Variants in LRRTM4 observed in about 807,000 individuals in gnomAD.
The protein encoded by LRRTM4 is leucine rich repeat transmembrane neuronal 4.
A neutral mutation model predicts 47.6 loss-of-function variants in LRRTM4; 25 were observed. That is an observed-to-expected ratio of 0.53 (90% CI 0.38 to 0.73). The LOEUF (loss-of-function observed/expected upper bound fraction) is 0.73. Among genes scored for constraint, LRRTM4 ranks in the 30% least tolerant of loss-of-function variants. LRRTM4 has a pLI of 0.00. For synonymous variants in LRRTM4, 311 were observed against 269.5 expected (o/e 1.15, Z -1.51); for missense variants, 638 against 713.4 (o/e 0.89, Z 1.20).
intron 3 of LRRTM4, among the ~76,000 whole-genome samples, chr2:76,971,531 G>A (rs1188763411): frequency 1.3e-5 from 2 of 152,010 alleles, no homozygotes; most frequent in African/African-American, 4.8e-5. Context: ...CTGTCTCACA[G>A]GATAATGGCA....
intron 3 of LRRTM4, among the ~76,000 whole-genome samples, chr2:77,001,199 A>C (rs1677414522): frequency 6.6e-6 from 1 of 151,918 alleles, no homozygotes; most frequent in Non-Finnish European, 1.5e-5. Flanking sequence ...AACCTGTACC[A>C]GCCCTCCTTA....
chr2:76,748,716 G>GTAGA lies in LRRTM4; in HGVS notation c.1748_1751dup (p.Glu586ProfsTer84). On this transcript the variant is annotated frameshift_variant, in exon 4 of 4. Transcript: ENST00000409884. LOFTEE classifies it high-confidence loss of function. ...AGCGTTAGTTTGCAATTCTCTCTAG[G>GTAGA]TAGATGGCCGGTGCTGCCGACCTGG... is the stretch of plus-strand genomic sequence containing the variant. The GTAGA allele has an allele frequency of 6.2e-7, 1 of 1,613,596 alleles. No individual in the cohort carries two copies. The highest frequency in any genetic ancestry group is 8.5e-7 in the Non-Finnish European group (1 of 1,179,858).
At chr2:77,133,890 A>G (rs1224369451) in intron 3 of LRRTM4, among the ~76,000 whole-genome samples, 2 of 152,202 alleles carry the variant, frequency 1.3e-5, no homozygotes, top group African/African-American at 2.4e-5. Context: ...TGTGTTTTCC[A>G]TATGCATACT....
At chr2:76,783,386 A>ATAC (rs1252581939) in intron 3 of LRRTM4, among the ~76,000 whole-genome samples, 1 of 152,172 alleles carries the variant, frequency 6.6e-6, no homozygotes, top group Non-Finnish European at 1.5e-5. Flanking sequence ...ATGGTAAAAT[A>ATAC]TACATAACAT....
At position 77,354,403 on chromosome 2, in the gene LRRTM4, C is replaced by A. The variant is rs531724049; in HGVS notation, c.1551+163915G>T. ...CTTCTTAAAATGTAGATATCTTAGA[C>A]GTACTTCCTAGAAATTGTATTTATT... On this transcript the variant is annotated intron_variant, in intron 3 of 3. Coordinates refer to ENST00000409884, the MANE Select transcript of LRRTM4 (RefSeq NM_001134745.3). Among the ~76,000 whole-genome samples, 465 of 147,094 alleles carry A rather than the reference C, an allele frequency of 3.2e-3. 4 individuals are homozygous for A. The highest frequency in any genetic ancestry group is 0.011 in the African/African-American group (451 of 39,596).
At chr2:77,080,556 A>G (rs897000742) in intron 3 of LRRTM4, among the ~76,000 whole-genome samples, 2 of 152,112 alleles carry the variant, frequency 1.3e-5, no homozygotes, top group African/African-American at 4.8e-5. Flanking sequence ...TTCTACCCCA[A>G]ATTGACCTTT....
At chr2:76,977,388 TCA>T (rs1359962657) in intron 3 of LRRTM4, among the ~76,000 whole-genome samples, 1 of 151,822 alleles carries the variant, frequency 6.6e-6, no homozygotes, top group Non-Finnish European at 1.5e-5. Flanking sequence ...CTGTTGGAAA[TCA>T]CAGTTCTTTC....
At chr2:76,928,946 T>C (rs1289467831) in intron 3 of LRRTM4, among the ~76,000 whole-genome samples, 2 of 152,202 alleles carry the variant, frequency 1.3e-5, no homozygotes, top group East Asian at 3.9e-4. Context: ...CAAAGCTCTA[T>C]GTAATATAGT....
intron 3 of LRRTM4, among the ~76,000 whole-genome samples, chr2:77,427,831 TACCATATA>T (rs1194947968): frequency 6.6e-6 from 1 of 152,202 alleles, no homozygotes; most frequent in African/African-American, 2.4e-5. Flanking sequence ...GAATCCCACA[TACCATATA>T]ACATTTAAAG....
At chr2:76,929,283 G>A (rs1228817486) in intron 3 of LRRTM4, among the ~76,000 whole-genome samples, 7 of 152,180 alleles carry the variant, frequency 4.6e-5, no homozygotes, top group Admixed American at 2.0e-4. Context: ...TAGATGTTTC[G>A]CAAACTAACG....
At chr2:77,337,555 C>T (rs1278435475) in intron 3 of LRRTM4, among the ~76,000 whole-genome samples, 1 of 151,986 alleles carries the variant, frequency 6.6e-6, no homozygotes, top group East Asian at 1.9e-4. Flanking sequence ...AACAAGTTTT[C>T]GTGAGATCTG....
intron 3 of LRRTM4, among the ~76,000 whole-genome samples, chr2:77,373,296 A>G (rs1469628741): frequency 1.3e-5 from 2 of 151,406 alleles, no homozygotes; most frequent in East Asian, 3.9e-4. Flanking sequence ...TAAATAATAT[A>G]TTTAGTTGTT....
chr2:77,321,449 C>T (rs1008598647), intron 3 of LRRTM4, among the ~76,000 whole-genome samples: 3 of 148,790 alleles, frequency 2.0e-5, no homozygotes, highest in Non-Finnish European at 4.4e-5. Context: ...GTCTCCCATA[C>T]AGGGGACATT....
intron 3 of LRRTM4, among the ~76,000 whole-genome samples, chr2:77,095,208 C>T (rs1282407363): frequency 6.6e-6 from 1 of 152,128 alleles, no homozygotes; most frequent in Non-Finnish European, 1.5e-5. Context: ...TGAGATACTA[C>T]CTCATTAGTG....
rs775248502 is a variant in LRRTM4 at position 77,452,464 on chromosome 2, T to C, written c.1551+65854A>G. 7.2e-5 allele frequency among the ~76,000 whole-genome samples: 11 copies of C among 152,160 alleles called. 1 individual carries two copies. The highest frequency in any genetic ancestry group is 2.1e-4 in the South Asian group (1 of 4,832). ...TAACAAATGAAGAGTTTTGTCTATG[T>C]AAGAGGAAGCGCAGGACAGAATGAG... On this transcript the variant is annotated intron_variant, in intron 3 of 3. Transcript: ENST00000409884.
intron 3 of LRRTM4, among the ~76,000 whole-genome samples, chr2:76,801,941 T>C (rs1445896010): frequency 6.6e-6 from 1 of 152,126 alleles, no homozygotes; most frequent in African/African-American, 2.4e-5. Flanking sequence ...GTAAAGACTC[T>C]TGAGAAATTA....
At chr2:76,900,847 C>G (rs1406544799) in intron 3 of LRRTM4, among the ~76,000 whole-genome samples, 1 of 152,054 alleles carries the variant, frequency 6.6e-6, no homozygotes, top group Non-Finnish European at 1.5e-5. Flanking sequence ...ATTCTGAGTC[C>G]TCTGACATTT....
chr2:76,866,837 T>TTA (rs1672483643), intron 3 of LRRTM4, among the ~76,000 whole-genome samples: 1 of 152,162 alleles, frequency 6.6e-6, no homozygotes, highest in African/African-American at 2.4e-5. Flanking sequence ...GTAAAATGAT[T>TTA]TATAATCCTT....
chr2:76,885,896 G>A (rs1179555254), intron 3 of LRRTM4, among the ~76,000 whole-genome samples: 1 of 151,796 alleles, frequency 6.6e-6, no homozygotes, highest in Non-Finnish European at 1.5e-5. Flanking sequence ...TAAAAAAAAA[G>A]ACATGAATCT....
Sources: allele counts gnomAD v4.1 joint callset (sites outside exome capture counted in the v4.1 genomes callset), GRCh38; gene constraint gnomAD v4.1.1; transcripts MANE v1.5; gene names NCBI Gene and HGNC (gene_info 2026-07-23, HGNC 2026-07-21).